Variants in DOCK7 observed in about 807,000 individuals in gnomAD.
DOCK7 encodes dedicator of cytokinesis 7.
A neutral mutation model predicts 271.0 loss-of-function variants in DOCK7; 138 were observed. The observed-to-expected ratio is 0.51, with a 90% CI of 0.44 to 0.59. The LOEUF (loss-of-function observed/expected upper bound fraction) is 0.59. DOCK7 is among the 20% of genes least tolerant of loss of function. The pLI, the probability that DOCK7 is intolerant of heterozygous loss-of-function variation, is 0.00. For synonymous variants in DOCK7, 823 were observed against 876.1 expected, an observed-to-expected ratio of 0.94 and a Z score of 1.07; for missense variants, 2,066 against 2,592.4, an observed-to-expected ratio of 0.80 and a Z score of 4.41.
At chr1:62,522,032 CAA>C (rs1441301957) in intron 31 of DOCK7, among the ~76,000 whole-genome samples, 1 of 151,666 alleles carries the variant, frequency 6.6e-6, no homozygotes, top group Non-Finnish European at 1.5e-5. Flanking sequence ...TAAGAAGAAA[CAA>C]AAAACTTCAA....
At chr1:62,523,766 C>T (rs1452218527) in intron 31 of DOCK7, among the ~76,000 whole-genome samples, 1 of 152,046 alleles carries the variant, frequency 6.6e-6, no homozygotes, top group Admixed American at 6.6e-5. Flanking sequence ...ACTCAGGAGG[C>T]TGAGGCAGTA....
chr1:62,610,797 C>T (rs1024087810), intron 14 of DOCK7, among the ~76,000 whole-genome samples: 1 of 151,642 alleles, frequency 6.6e-6, no homozygotes. Context: ...TGAACTCATC[C>T]TTTTTTATGG....
chr1:62,658,015 T>C (rs2149705257), intron 2 of DOCK7, among the ~76,000 whole-genome samples: 1 of 151,566 alleles, frequency 6.6e-6, no homozygotes, highest in South Asian at 2.1e-4. Context: ...GAAAAAACAA[T>C]GGCTGAAAAC....
At chr1:62,619,772 G>T in intron 13 of DOCK7, 128 bp downstream of exon 13, 1 of 509,448 alleles carries the variant, frequency 2.0e-6, no homozygotes, top group Non-Finnish European at 3.5e-6. Context: ...GAAGAAGACT[G>T]ACAGGCATTG....
chr1:62,658,969 A>C (rs1172372850), intron 2 of DOCK7, among the ~76,000 whole-genome samples: 3 of 152,078 alleles, frequency 2.0e-5, no homozygotes, highest in Non-Finnish European at 4.4e-5. Context: ...AGAAAAAAAA[A>C]AAAAATGAAG....
In DOCK7 at chr1:62,455,469, T is replaced by A; in HGVS notation, c.6381-13A>T. The A allele has an allele frequency of 6.2e-7, 1 of 1,612,842 alleles. No homozygotes were observed. The highest frequency in any genetic ancestry group is 8.5e-7 in the Non-Finnish European group (1 of 1,179,170). ...ACTGAAGGAATCTCTGGGAAAAAAA[T>A]GAGAGGACATAGTTAGTTAAAGAGA... On this transcript the variant is annotated splice_polypyrimidine_tract_variant and intron_variant, in intron 49 of 49. Coordinates refer to ENST00000635253, the MANE Select transcript of DOCK7 (RefSeq NM_001367561.1).
At chr1:62,606,586 T>TAA (rs1328418302) in intron 14 of DOCK7, among the ~76,000 whole-genome samples, 1 of 152,136 alleles carries the variant, frequency 6.6e-6, no homozygotes, top group Admixed American at 6.6e-5. Context: ...CTCTACTACT[T>TAA]AATAATAAGA....
chr1:62,620,071 G>A, intron 12 of DOCK7, 78 bp from the exon 13 acceptor site: 7 of 1,184,096 alleles, frequency 5.9e-6, no homozygotes, highest in Non-Finnish European at 7.3e-6. Context: ...TGTAATCCTA[G>A]CACTTTGGGA....
At chr1:62,668,933 A>C (rs1031894505) in intron 1 of DOCK7, among the ~76,000 whole-genome samples, 2 of 152,120 alleles carry the variant, frequency 1.3e-5, no homozygotes, top group African/African-American at 4.8e-5. Context: ...TCAAAAAAAA[A>C]AAAAAAAAGG....
At chr1:62,548,692 A>T (rs1308599530) in intron 22 of DOCK7, among the ~76,000 whole-genome samples, 1 of 152,180 alleles carries the variant, frequency 6.6e-6, no homozygotes, top group Non-Finnish European at 1.5e-5. Flanking sequence ...AACTGCTGGG[A>T]TTATGGGCGT....
chr1:62,668,665 G>A (rs938591627), intron 1 of DOCK7, among the ~76,000 whole-genome samples: 26 of 152,200 alleles, frequency 1.7e-4, no homozygotes, highest in African/African-American at 6.0e-4. Flanking sequence ...GGTCCAGGCA[G>A]GAGGATCGCT....
At chr1:62,641,653 G>A (rs562807537) in intron 7 of DOCK7, 17 of 446,206 alleles carry the variant, frequency 3.8e-5, no homozygotes, top group African/African-American at 2.6e-4. Flanking sequence ...GTACCTGCTT[G>A]GCCACAATGG....
intron 48 of DOCK7, among the ~76,000 whole-genome samples, chr1:62,468,160 AGACCAGCCTGGCCAG>A: frequency 6.6e-6 from 1 of 152,052 alleles, no homozygotes; most frequent in Non-Finnish European, 1.5e-5. Context: ...CGGGAGTTCG[AGACCAGCCTGGCCAG>A]CATGGTGAAA....
At chr1:62,682,404 T>G (rs1456868799) in intron 1 of DOCK7, among the ~76,000 whole-genome samples, 1 of 152,194 alleles carries the variant, frequency 6.6e-6, no homozygotes, top group African/African-American at 2.4e-5. Flanking sequence ...GTGGCATTCA[T>G]TTAAACACTT....
At chr1:62,608,491 T>C (rs1651326116) in intron 14 of DOCK7, 1 of 152,228 alleles carries the variant, frequency 6.6e-6, no homozygotes, top group Admixed American at 6.5e-5. Context: ...TTCTAGTAAA[T>C]GGCAGCTTGT....
intron 31 of DOCK7, among the ~76,000 whole-genome samples, chr1:62,517,956 G>T (rs1047783303): frequency 6.6e-6 from 1 of 152,110 alleles, no homozygotes; most frequent in African/African-American, 2.4e-5. Context: ...CTTCCTTTGA[G>T]AAGAGAATGA....
chr1:62,500,836 C>A (rs906386504), intron 37 of DOCK7, among the ~76,000 whole-genome samples: 3 of 152,098 alleles, frequency 2.0e-5, no homozygotes, highest in Non-Finnish European at 4.4e-5. Context: ...TCATAACCAC[C>A]CTTGCTGTCC....
intron 14 of DOCK7, chr1:62,605,134 A>T (rs1650792357): frequency 4.1e-6 from 1 of 242,850 alleles, no homozygotes; most frequent in Non-Finnish European, 8.1e-6. Flanking sequence ...AAATTTAGAG[A>T]CTTTTATTTT....
chr1:62,558,845 T>C (rs1001918133), intron 20 of DOCK7, 144 bp downstream of exon 20: 24 of 663,288 alleles, frequency 3.6e-5, no homozygotes, highest in Non-Finnish European at 4.9e-5. Flanking sequence ...TCTGGCATTA[T>C]AAACAAGTAA....
Sources: gnomAD v4.1 joint callset for allele counts (sites outside exome capture counted in the v4.1 genomes callset) on GRCh38, gnomAD v4.1.1 for gene constraint, MANE v1.5 for transcripts, NCBI Gene and HGNC (gene_info 2026-07-23, HGNC 2026-07-21) for gene names.